Variants in ST8SIA5 observed in about 807,000 individuals in gnomAD.
ST8SIA5 encodes the protein ST8 alpha-N-acetyl-neuraminide alpha-2,8-sialyltransferase 5, also known as alpha-2,8-sialyltransferase 8E.
ST8SIA5 carries 24 observed loss-of-function variants against 40.2 expected under a neutral mutation model. The observed-to-expected ratio is 0.60, with a 90% confidence interval of 0.43 to 0.84. The LOEUF is 0.84. Ranked by LOEUF, ST8SIA5 falls within the 40% of genes least tolerant of loss-of-function variation. ST8SIA5 has a pLI of 0.00. For synonymous variants in ST8SIA5, 198 were observed against 201.8 expected (o/e 0.98, Z 0.16); for missense variants, 465 against 498.5 (o/e 0.93, Z 0.64).
At chr18:46,708,408 A>C (rs147737756) in intron 1 of ST8SIA5, among the ~76,000 whole-genome samples, 2 of 152,254 alleles carry the variant, frequency 1.3e-5, no homozygotes, top group Non-Finnish European at 2.9e-5. Context: ...AGGCTCATTA[A>C]CCATGTGCTT....
At chr18:46,711,179 G>A (rs2039728831) in intron 1 of ST8SIA5, among the ~76,000 whole-genome samples, 1 of 152,128 alleles carries the variant, frequency 6.6e-6, no homozygotes, top group African/African-American at 2.4e-5. Context: ...CCAGACACAT[G>A]GCTGGTCAAG....
chr18:46,715,397 C>A (rs2039777661), intron 1 of ST8SIA5, among the ~76,000 whole-genome samples: 1 of 151,990 alleles, frequency 6.6e-6, no homozygotes, highest in South Asian at 2.1e-4. Flanking sequence ...AGGCAACAAT[C>A]AGAAAAACAC....
chr18:46,693,461 T>C (rs116096421), intron 2 of ST8SIA5, among the ~76,000 whole-genome samples: 3,478 of 152,296 alleles, frequency 0.023, 112 homozygotes, highest in African/African-American at 0.07. Context: ...TCTATGCTAG[T>C]TGGCATTTAA....
chr18:46,676,777 T>G lies in ST8SIA5; in HGVS notation c.*3265A>C, dbSNP rs2039341905. On this transcript the variant is annotated 3_prime_UTR_variant, in exon 7 of 7. Coordinates refer to ENST00000315087, the MANE Select transcript of ST8SIA5 (RefSeq NM_013305.6). ...TTGAATAATAATTCAATGGGTAGTC[T>G]GCACTGCATGGTGGCGTGGTGACAG... 6.6e-6 allele frequency: 1 copy of G among 152,270 alleles called. No homozygotes were observed. The highest frequency in any genetic ancestry group is 2.1e-4 in the South Asian group (1 of 4,830). The allele number at this position is 152,270 out of a possible 1,614,324, so 9.4% of individuals were successfully genotyped here.
intron 1 of ST8SIA5, chr18:46,731,787 G>A (rs140816087): frequency 2.2e-4 from 34 of 152,338 alleles, no homozygotes; most frequent in African/African-American, 7.9e-4. Flanking sequence ...CGCTCAAGAA[G>A]CTCTCCTTAG....
chr18:46,732,697 A>G (rs532713745), intron 1 of ST8SIA5, among the ~76,000 whole-genome samples: 2 of 152,350 alleles, frequency 1.3e-5, no homozygotes, highest in South Asian at 4.1e-4. Flanking sequence ...CTTTTGTGGG[A>G]GGATAATCTA....
rs7407195 is a variant in ST8SIA5, at chr18:46,674,161, C to G, written c.*5881G>C. ...TGCTTCCCAGGCTGCACCTCAGCCA[C>G]AGTGATGTAAGAGCCTGACATGTTT... On this transcript the variant is annotated 3_prime_UTR_variant, in exon 7 of 7. Transcript: ENST00000315087. 1 of 152,136 alleles carries G rather than the reference C, an allele frequency of 6.6e-6. No homozygotes were observed. The highest frequency in any genetic ancestry group is 1.5e-5 in the Non-Finnish European group (1 of 68,040). The allele number at this position is 152,136 out of a possible 1,614,324, so 9.4% of individuals were successfully genotyped here.
chr18:46,694,516 G>C (rs1011158033), intron 2 of ST8SIA5, among the ~76,000 whole-genome samples: 2 of 152,148 alleles, frequency 1.3e-5, no homozygotes, highest in African/African-American at 4.8e-5. Context: ...TTTAGGGCCA[G>C]GCATTCTGTA....
intron 1 of ST8SIA5, among the ~76,000 whole-genome samples, chr18:46,713,116 T>G (rs1038175113): frequency 3.3e-5 from 5 of 152,100 alleles, no homozygotes; most frequent in South Asian, 2.1e-4. Flanking sequence ...CAACGTGATC[T>G]GATGTGGGGA....
intron 1 of ST8SIA5, among the ~76,000 whole-genome samples, chr18:46,709,822 T>C (rs371461964): frequency 6.6e-6 from 1 of 152,318 alleles, no homozygotes; most frequent in African/African-American, 2.4e-5. Flanking sequence ...CTTTTCTGTG[T>C]TTTTATAAGT....
chr18:46,755,680 G>A (rs920622574), intron 1 of ST8SIA5, among the ~76,000 whole-genome samples: 3 of 152,114 alleles, frequency 2.0e-5, no homozygotes, highest in African/African-American at 4.8e-5. Flanking sequence ...GAGTTTAACC[G>A]TGGATTGGGG....
intron 1 of ST8SIA5, among the ~76,000 whole-genome samples, chr18:46,724,186 G>A (rs1165101493): frequency 1.3e-5 from 2 of 152,202 alleles, no homozygotes; most frequent in Non-Finnish European, 2.9e-5. Context: ...TGATGCCCAC[G>A]CACCTCCCTC....
At chr18:46,718,664 T>G (rs1356039153) in intron 1 of ST8SIA5, among the ~76,000 whole-genome samples, 1 of 152,102 alleles carries the variant, frequency 6.6e-6, no homozygotes, top group Non-Finnish European at 1.5e-5. Flanking sequence ...ATTTGCTTCT[T>G]TGCCCCTCTT....
rs978297008 is a variant in ST8SIA5 at position 46,673,187 on chromosome 18, A to G, written c.*6855T>C. The G allele has an allele frequency of 1.2e-4, 19 of 152,244 alleles. No individual in the cohort carries two copies. Among genetic ancestry groups the G allele is most frequent in the African/African-American group, 4.6e-4 (19 of 41,470 alleles). 9.4% of individuals were successfully genotyped at this position (152,244 alleles called of 1,614,324 possible). A position where few individuals can be genotyped will look rare whatever the true frequency, so the allele number is the denominator to read the frequency against. ...AATGTACTTACCATTACTGAACTGT[A>G]CACTTAAAAATGGTTAAGATGATAA... On this transcript the variant is annotated 3_prime_UTR_variant, in exon 7 of 7. Transcript: ENST00000315087.
intron 1 of ST8SIA5, among the ~76,000 whole-genome samples, chr18:46,733,311 A>G (rs565101539): frequency 6.6e-6 from 1 of 152,250 alleles, no homozygotes; most frequent in Non-Finnish European, 1.5e-5. Flanking sequence ...ATTGTTAATC[A>G]GCAAATCACT....
At chr18:46,698,410 T>C (rs543113095) in intron 2 of ST8SIA5, among the ~76,000 whole-genome samples, 4 of 141,492 alleles carry the variant, frequency 2.8e-5, no homozygotes, top group African/African-American at 5.4e-5. Context: ...ACAACAACAA[T>C]CAAAACAATC....
intron 1 of ST8SIA5, among the ~76,000 whole-genome samples, chr18:46,749,303 G>A (rs1373353660): frequency 6.6e-6 from 1 of 152,180 alleles, no homozygotes; most frequent in Non-Finnish European, 1.5e-5. Flanking sequence ...GGTGGTAGAT[G>A]TGCAACTGTA....
intron 1 of ST8SIA5, among the ~76,000 whole-genome samples, chr18:46,728,446 A>C (rs562968981): frequency 6.6e-4 from 100 of 152,366 alleles, no homozygotes; most frequent in South Asian, 4.6e-3. Context: ...AGCATCCGCG[A>C]GTGCCCACTC....
intron 3 of ST8SIA5, 180 bp from the exon 4 acceptor site, chr18:46,689,099 C>A: frequency 1.6e-6 from 1 of 619,190 alleles, no homozygotes. Flanking sequence ...CCACACACAT[C>A]CCCACCCTGC....
Sources: gnomAD v4.1 joint callset for allele counts (sites outside exome capture counted in the v4.1 genomes callset) on GRCh38, gnomAD v4.1.1 for gene constraint, MANE v1.5 for transcripts, NCBI Gene and HGNC (gene_info 2026-07-23, HGNC 2026-07-21) for gene names.